PPP1R9A: variants seen among roughly 807,000 people sequenced by gnomAD.
PPP1R9A encodes neurabin-1.
In PPP1R9A, 59 loss-of-function variants were observed where a neutral mutation model predicts 141.9. That is an observed-to-expected ratio of 0.42 (90% CI 0.34 to 0.52). The LOEUF (loss-of-function observed/expected upper bound fraction) is 0.52, where lower values mean the gene tolerates loss of function less well. Among genes scored for constraint, PPP1R9A ranks in the 20% least tolerant of loss-of-function variants. The pLI, the probability that PPP1R9A is intolerant of heterozygous loss-of-function variation, is 0.10. For synonymous variants in PPP1R9A, 500 were observed against 569.7 expected, an observed-to-expected ratio of 0.88 and a Z score of 1.74; for missense variants, 1,444 against 1,611.9, an observed-to-expected ratio of 0.90 and a Z score of 1.78.
chr7:95,159,416 A>T (rs536076107), intron 4 of PPP1R9A, among the ~76,000 whole-genome samples: 1 of 152,228 alleles, frequency 6.6e-6, no homozygotes, highest in South Asian at 2.1e-4. Flanking sequence ...TTCTTTTATT[A>T]TTATTATTAG....
At chr7:95,229,174 G>A (rs1795555298) in intron 8 of PPP1R9A, among the ~76,000 whole-genome samples, 1 of 151,800 alleles carries the variant, frequency 6.6e-6, no homozygotes, top group African/African-American at 2.4e-5. Flanking sequence ...GCTTCTGCTT[G>A]GTTGGACAGA....
At chr7:95,268,775 A>C (rs1801693379) in intron 13 of PPP1R9A, 68 bp downstream of exon 13, 4 of 1,544,868 alleles carry the variant, frequency 2.6e-6, no homozygotes, top group South Asian at 2.5e-5. Context: ...AGCTTATTGA[A>C]GATTATGATT....
At position 95,241,450 on chromosome 7, in the gene PPP1R9A, A is replaced by G. The variant is rs1397417047; in HGVS notation, c.2113-6023A>G. On this transcript the variant is annotated intron_variant, in intron 8 of 19. Coordinates refer to ENST00000433360, the MANE Select transcript of PPP1R9A (RefSeq NM_001166160.2). The stretch of plus-strand genomic sequence containing the variant: ...AGGGGATCTTGGATAGATTTTTCTT[A>G]ATTCAACTTCATGACTCTTTTATAT... Among the ~76,000 whole-genome samples, 7 of 152,234 alleles carry G rather than the reference A, an allele frequency of 4.6e-5. 1 individual carries two copies. Among genetic ancestry groups the G allele is most frequent in the South Asian group, 2.1e-4 (1 of 4,816 alleles).
At chr7:95,240,814 A>T (rs1429261469) in intron 8 of PPP1R9A, among the ~76,000 whole-genome samples, 1 of 152,154 alleles carries the variant, frequency 6.6e-6, no homozygotes, top group Non-Finnish European at 1.5e-5. Context: ...TATGGGATAC[A>T]TCATTTTCAC....
chr7:95,112,653 A>G (rs1186594894), intron 3 of PPP1R9A, among the ~76,000 whole-genome samples: 1 of 152,246 alleles, frequency 6.6e-6, no homozygotes, highest in Non-Finnish European at 1.5e-5. Context: ...TGGAAATAGC[A>G]AAGTCATGGA....
intron 2 of PPP1R9A, among the ~76,000 whole-genome samples, chr7:94,978,321 C>T (rs1221255537): frequency 6.6e-6 from 1 of 152,064 alleles, no homozygotes; most frequent in Non-Finnish European, 1.5e-5. Flanking sequence ...AAATATAGAG[C>T]CTGCATGTTT....
At chr7:95,164,392 T>A (rs1830876674) in intron 5 of PPP1R9A, among the ~76,000 whole-genome samples, 2 of 152,198 alleles carry the variant, frequency 1.3e-5, no homozygotes, top group Non-Finnish European at 2.9e-5. Context: ...TATTTTCTTT[T>A]TTTACCTCTT....
In PPP1R9A at chr7:94,910,083, T is replaced by C. The variant is rs1562975500; in HGVS notation, c.-31T>C. ...TTTTGGTTTTTTTCTTTGATCATTA[T>C]GAACATTGGCTTTTCACCCCTGAAG... On this transcript the variant is annotated 5_prime_UTR_variant, in exon 2 of 20. The change abolishes an upstream ATG in the 5' untranslated region. Transcript: ENST00000433360. The surrounding 1 kb of genome is among the most constrained non-coding windows in gnomAD (Gnocchi z 4.5). The C allele has an allele frequency of 3.2e-6, 5 of 1,568,472 alleles. No individual in the cohort carries two copies. The South Asian group carries it at 5.9e-5, about 19-fold the overall frequency.
intron 4 of PPP1R9A, among the ~76,000 whole-genome samples, chr7:95,134,826 A>G (rs959380584): frequency 2.6e-5 from 4 of 152,126 alleles, no homozygotes; most frequent in African/African-American, 9.7e-5. Context: ...AAATTTCCTT[A>G]TAACTTTAGT....
chr7:95,132,651 C>T (rs567153168), intron 4 of PPP1R9A, among the ~76,000 whole-genome samples: 6 of 152,162 alleles, frequency 3.9e-5, no homozygotes, highest in Admixed American at 1.3e-4. Flanking sequence ...TCTCTGCGGC[C>T]GATGTCTCTT....
At chr7:95,163,863 G>A (rs539706549) in intron 5 of PPP1R9A, among the ~76,000 whole-genome samples, 1 of 151,906 alleles carries the variant, frequency 6.6e-6, no homozygotes, top group Non-Finnish European at 1.5e-5. Flanking sequence ...CCTCAGCCTC[G>A]CAAGTAGCTG....
chr7:94,988,274 TAA>T (rs1186705869), intron 2 of PPP1R9A, among the ~76,000 whole-genome samples: 1 of 152,086 alleles, frequency 6.6e-6, no homozygotes, highest in African/African-American at 2.4e-5. Flanking sequence ...TCAAGAATAT[TAA>T]AAGTCTTTTA....
intron 2 of PPP1R9A, among the ~76,000 whole-genome samples, chr7:94,939,113 A>G (rs1795065128): frequency 1.3e-5 from 2 of 152,178 alleles, no homozygotes; most frequent in Admixed American, 1.3e-4. Flanking sequence ...TGGATTTGGA[A>G]CAAGAAGATC....
intron 9 of PPP1R9A, among the ~76,000 whole-genome samples, chr7:95,248,148 A>G (rs1798375468): frequency 6.6e-6 from 1 of 150,764 alleles, no homozygotes; most frequent in Non-Finnish European, 1.5e-5. Context: ...AATTCTAGCA[A>G]TTTTGTTTAG....
chr7:94,981,177 G>A (rs981710086), intron 2 of PPP1R9A, among the ~76,000 whole-genome samples: 1 of 152,140 alleles, frequency 6.6e-6, no homozygotes, highest in African/African-American at 2.4e-5. Flanking sequence ...CATTCTTTCT[G>A]TTGAGTAGGG....
intron 3 of PPP1R9A, among the ~76,000 whole-genome samples, chr7:95,114,914 T>C (rs1821214281): frequency 6.8e-6 from 1 of 146,732 alleles, no homozygotes; most frequent in Non-Finnish European, 1.5e-5. Context: ...AAAAAGTCTG[T>C]AGCACACAGC....
At chr7:95,187,451 CA>C (rs1415018682) in intron 5 of PPP1R9A, among the ~76,000 whole-genome samples, 1 of 152,102 alleles carries the variant, frequency 6.6e-6, no homozygotes, top group African/African-American at 2.4e-5. Context: ...TTCATCTTTT[CA>C]AAAACCCAGC....
chr7:95,207,545 T>C (rs943031396), intron 7 of PPP1R9A, among the ~76,000 whole-genome samples: 1 of 152,062 alleles, frequency 6.6e-6, no homozygotes, highest in Non-Finnish European at 1.5e-5. Context: ...ATAAAAGAGA[T>C]AATATATCAT....
At chr7:95,136,558 A>G (rs879580594) in intron 4 of PPP1R9A, among the ~76,000 whole-genome samples, 2 of 152,244 alleles carry the variant, frequency 1.3e-5, no homozygotes, top group Non-Finnish European at 2.9e-5. Context: ...CTGAGAAAAT[A>G]ACATTTTAAA....
Sources: allele counts gnomAD v4.1 joint callset (sites outside exome capture counted in the v4.1 genomes callset), GRCh38; gene constraint gnomAD v4.1.1; non-coding constraint Gnocchi (gnomAD v3.1); transcripts MANE v1.5; gene names NCBI Gene and HGNC (gene_info 2026-07-23, HGNC 2026-07-21).